Variants in NDST3 observed in about 807,000 individuals in gnomAD.
NDST3 encodes bifunctional heparan sulfate N-deacetylase/N-sulfotransferase 3.
A neutral mutation model predicts 96.1 loss-of-function variants in NDST3; 58 were observed. That is an observed-to-expected ratio of 0.60 (90% CI 0.49 to 0.75). The LOEUF is 0.75. Ranked by LOEUF, NDST3 falls within the 30% of genes least tolerant of loss-of-function variation. The probability of loss-of-function intolerance (pLI) is 0.00; values close to 1 mark genes in which losing one functional copy is unlikely to be tolerated. For missense variants in NDST3, 788 were observed against 1,034.2 expected, an observed-to-expected ratio of 0.76 and a Z score of 3.27; for synonymous variants, 333 against 359.7, an observed-to-expected ratio of 0.93 and a Z score of 0.84.
In NDST3 at chr4:118,105,027, G is replaced by C. The variant is rs763749230; in HGVS notation, c.991G>C (p.Asp331His). The change falls in exon 3 of 14, where the codon GAT becomes CAT. Residue 331 changes from aspartate (D) to histidine (H), a missense_variant. Asp to His is a moderately conservative substitution (Grantham distance 81). This residue lies in a region of NDST3 where 490 missense variants were observed against 708.8 expected (regional missense o/e 0.69). Coordinates refer to ENST00000296499, the MANE Select transcript of NDST3 (RefSeq NM_004784.3). ...MNTNDVKALL[D>H]TQNLLRAQIT... ...AAATTATGTATTTCAGGCCCTGCTTGATACTCAGAATCTTTTGCGTGCACA... is the reference window on the plus strand; with the variant it reads ...AAATTATGTATTTCAGGCCCTGCTTCATACTCAGAATCTTTTGCGTGCACA... 4.3e-6 allele frequency: 7 copies of C among 1,612,908 alleles called. No individual in the cohort carries two copies. In the South Asian group the frequency reaches 6.6e-5, roughly 15 times the overall value.
At chr4:118,220,230 G>A (rs1446795628) in intron 6 of NDST3, among the ~76,000 whole-genome samples, 2 of 151,924 alleles carry the variant, frequency 1.3e-5, no homozygotes, top group Admixed American at 6.6e-5. Flanking sequence ...TGATAGACTA[G>A]ATAAAGAAAA....
chr4:118,110,918 G>T (rs1679838632), intron 3 of NDST3, among the ~76,000 whole-genome samples: 2 of 152,062 alleles, frequency 1.3e-5, no homozygotes, highest in Admixed American at 6.6e-5. Flanking sequence ...GAACCTAGGT[G>T]TCCATCAATG....
intron 6 of NDST3, among the ~76,000 whole-genome samples, chr4:118,152,771 A>T (rs2125917183): frequency 6.6e-6 from 1 of 152,334 alleles, no homozygotes; most frequent in African/African-American, 2.4e-5. Context: ...TTTCTGCAGT[A>T]GTTAATTAAT....
At chr4:118,138,372 A>C in intron 5 of NDST3, 133 bp downstream of exon 5, 1 of 651,670 alleles carries the variant, frequency 1.5e-6, no homozygotes, top group Non-Finnish European at 2.4e-6. Context: ...CATATTTGTC[A>C]TATCTAAGCA....
Position 118,249,268 on chromosome 4 carries a change from G to C in NDST3, c.2400-4231G>C, listed in dbSNP as rs567587681. 3.3e-5 allele frequency among the ~76,000 whole-genome samples: 5 copies of C among 152,230 alleles called. No homozygotes were observed. In the South Asian group the frequency reaches 1.0e-3, roughly 32 times the overall value. Reference sequence around the variant, plus strand: ...CAAGGTATATTAGCAAAAAGTAATAGCTGCTCTGGATTCTGAATTTTGATC... The same window carrying C: ...CAAGGTATATTAGCAAAAAGTAATACCTGCTCTGGATTCTGAATTTTGATC... On this transcript the variant is annotated intron_variant, in intron 12 of 13. Coordinates refer to ENST00000296499, the MANE Select transcript of NDST3 (RefSeq NM_004784.3).
At chr4:118,196,944 GT>G (rs59055512) in intron 6 of NDST3, among the ~76,000 whole-genome samples, 3,708 of 127,464 alleles carry the variant, frequency 0.029, 47 homozygotes, top group South Asian at 0.048. Context: ...TTTATTTGAA[GT>G]TTTTTTTTTT....
chr4:118,171,847 G>A (rs1422514921), intron 6 of NDST3, among the ~76,000 whole-genome samples: 2 of 152,130 alleles, frequency 1.3e-5, no homozygotes, highest in African/African-American at 4.8e-5. Flanking sequence ...GGTTAAGTAG[G>A]GCTTGTTGGT....
intron 2 of NDST3, among the ~76,000 whole-genome samples, chr4:118,069,573 A>G (rs576732943): frequency 2.2e-4 from 33 of 152,126 alleles, no homozygotes; most frequent in Non-Finnish European, 4.4e-4. Flanking sequence ...TTAATATAGA[A>G]AACTACAAAG....
At chr4:118,082,069 T>C (rs967165555) in intron 2 of NDST3, among the ~76,000 whole-genome samples, 4 of 152,178 alleles carry the variant, frequency 2.6e-5, no homozygotes, top group African/African-American at 9.6e-5. Context: ...ACCCTCTCCT[T>C]TTCCTTGCAA....
rs998499006 is a variant in NDST3 at position 118,255,850 on chromosome 4, G to A, written c.*138G>A. On this transcript the variant is annotated 3_prime_UTR_variant, in exon 14 of 14. Coordinates refer to ENST00000296499, the MANE Select transcript of NDST3 (RefSeq NM_004784.3). The stretch of plus-strand genomic sequence containing the variant: ...AACAGTTTCTTCCATGTGCTGGCAC[G>A]TGGATGATTAGAAAAAAAGAAAAAG... 8 of 1,005,188 alleles carry A rather than the reference G, an allele frequency of 8.0e-6. No individual in the cohort carries two copies. Among genetic ancestry groups the A allele is most frequent in the Non-Finnish European group, 1.1e-5 (8 of 720,866 alleles). 62.3% of individuals were successfully genotyped at this position (1,005,188 alleles called of 1,614,324 possible).
chr4:118,046,868 G>T (rs1454710185), intron 1 of NDST3, among the ~76,000 whole-genome samples: 1 of 152,158 alleles, frequency 6.6e-6, no homozygotes, highest in South Asian at 2.1e-4. Context: ...TGCCAGGAAA[G>T]GTTGTCTCCC....
chr4:118,058,595 G>A (rs1725629599), intron 2 of NDST3, among the ~76,000 whole-genome samples: 1 of 22,026 alleles, frequency 4.5e-5, no homozygotes, highest in Non-Finnish European at 1.7e-4. Flanking sequence ...GTCAGGAAAA[G>A]TGTGTGTGTG....
rs533272275 is a variant in NDST3, at chr4:118,060,290, TG to T, written c.981+5400del. Among the ~76,000 whole-genome samples the T allele has an allele frequency of 1.5e-3, 230 of 152,288 alleles. 1 individual carries two copies. Among genetic ancestry groups the T allele is most frequent in the African/African-American group, 5.3e-3 (219 of 41,586 alleles). Reference sequence around the variant, plus strand: ...CATATTTTGAAATTGTATTTTAATATGTTTTTTCATTCTATGTTATCTTTTT... The same window carrying T: ...CATATTTTGAAATTGTATTTTAATATTTTTTTCATTCTATGTTATCTTTTT... On this transcript the variant is annotated intron_variant, in intron 2 of 13. Transcript: ENST00000296499.
At chr4:118,135,355 G>A (rs1249377795) in intron 4 of NDST3, among the ~76,000 whole-genome samples, 1 of 152,100 alleles carries the variant, frequency 6.6e-6, no homozygotes, top group Non-Finnish European at 1.5e-5. Context: ...AATACAGTCT[G>A]TCTCTTTTAG....
chr4:118,112,516 T>C (rs956956482), intron 3 of NDST3, among the ~76,000 whole-genome samples: 2 of 152,014 alleles, frequency 1.3e-5, no homozygotes, highest in African/African-American at 4.8e-5. Flanking sequence ...TGTGAGAAAA[T>C]AAAATGGCAA....
At position 118,242,018 on chromosome 4, in the gene NDST3, AT is replaced by A. The variant is rs770430263; in HGVS notation, c.2290-15del. On this transcript the variant is annotated intron_variant, in intron 11 of 13. Coordinates refer to ENST00000296499, the MANE Select transcript of NDST3 (RefSeq NM_004784.3). Reference sequence around the variant, plus strand: ...GTTTACATGTCTTTTTTCAATGTGCATTTTTTTATTTGATAATTTAGTTGCT... The same window carrying A: ...GTTTACATGTCTTTTTTCAATGTGCATTTTTTATTTGATAATTTAGTTGCT... The A allele has an allele frequency of 1.6e-5, 25 of 1,525,316 alleles. No homozygotes were observed. In the Admixed American group the frequency reaches 2.5e-4, roughly 15 times the overall value. The allele number at this position is 1,525,316 out of a possible 1,614,324, so 94.5% of individuals were successfully genotyped here.
In NDST3 at chr4:118,257,132, T is replaced by A. The variant is rs1742167580; in HGVS notation, c.*1420T>A. On this transcript the variant is annotated 3_prime_UTR_variant, in exon 14 of 14. Coordinates refer to ENST00000296499, the MANE Select transcript of NDST3 (RefSeq NM_004784.3). ...ATCATACTTATTTTCCTGTTAATAT[T>A]TACTTAATTTTTTTTTTTGAGAGGG... 1 of 151,358 alleles carries A rather than the reference T, an allele frequency of 6.6e-6. No homozygotes were observed. Among genetic ancestry groups the A allele is most frequent in the African/African-American group, 2.5e-5 (1 of 40,802 alleles). 9.4% of individuals were successfully genotyped at this position (151,358 alleles called of 1,614,324 possible).
In NDST3 at chr4:118,096,731, T is replaced by C. The variant is rs144929964; in HGVS notation, c.982-8287T>C. ...GATAGACAGTTAGGCAGATGTATTA[T>C]AAGGAATTGGCTTATGAGGTTATGG... is the stretch of plus-strand genomic sequence containing the variant. On this transcript the variant is annotated intron_variant, in intron 2 of 13. Coordinates refer to ENST00000296499, the MANE Select transcript of NDST3 (RefSeq NM_004784.3). Among the ~76,000 whole-genome samples, 602 of 151,748 alleles carry C rather than the reference T, an allele frequency of 4.0e-3. 6 individuals carry two copies. The highest frequency in any genetic ancestry group is 0.013 in the African/African-American group (551 of 41,440).
At chr4:118,079,508 G>C (rs796997549) in intron 2 of NDST3, among the ~76,000 whole-genome samples, 5 of 152,216 alleles carry the variant, frequency 3.3e-5, no homozygotes, top group African/African-American at 7.2e-5. Flanking sequence ...TGGTGTAATC[G>C]AGAGAGAGAA....
Sources: gnomAD v4.1 joint callset for allele counts (sites outside exome capture counted in the v4.1 genomes callset) on GRCh38, gnomAD v4.1.1 for gene constraint, gnomAD v4.1.1 regional missense constraint, MANE v1.5 for transcripts, NCBI Gene and HGNC (gene_info 2026-07-23, HGNC 2026-07-21) for gene names.